FAT4: variants seen among roughly 807,000 people sequenced by gnomAD.
The protein encoded by FAT4 is protocadherin Fat 4.
Under a neutral mutation model 303.9 loss-of-function variants are expected in FAT4, and 84 were observed. That is an observed-to-expected ratio of 0.28 (90% confidence interval 0.23 to 0.33). The LOEUF is 0.33. FAT4 is among the 10% of genes least tolerant of loss of function. FAT4 has a pLI of 1.00. For synonymous variants in FAT4, 2,307 were observed against 2,298.8 expected (o/e 1.00, Z -0.10); for missense variants, 6,005 against 6,146.8 (o/e 0.98, Z 0.77).
chr4:125,408,852 A>G, intron 5 of FAT4, 58 bp downstream of exon 5: 1 of 921,412 alleles, frequency 1.1e-6, no homozygotes, highest in Non-Finnish European at 1.6e-6. Context: ...TCAGATTTAT[A>G]TTACATTTAT....
chr4:125,346,975 T>A (rs1274738782), intron 2 of FAT4, among the ~76,000 whole-genome samples: 1 of 151,972 alleles, frequency 6.6e-6, no homozygotes, highest in African/African-American at 2.4e-5. Context: ...AGGGCTATAC[T>A]GTGGTAAGAG....
At chr4:125,430,846 C>T (rs966261944) in intron 7 of FAT4, among the ~76,000 whole-genome samples, 1 of 152,174 alleles carries the variant, frequency 6.6e-6, no homozygotes, top group African/African-American at 2.4e-5. Context: ...ATTTACTAAT[C>T]TCAAGGATCA....
chr4:125,316,536 G>C lies in FAT4; in HGVS notation c.125G>C (p.Gly42Ala), dbSNP rs1187974979. ...CTTCCGGGGCAGGCCTGGGTCCACG[G>C]GGCCGAGCCGCGCCAGGTGTTCCAA... Reference protein sequence around the residue: ...SLLPGQAWVHGAEPRQVFQVL... With the variant: ...SLLPGQAWVHAAEPRQVFQVL... The change falls in exon 2 of 18, where the codon GGG becomes GCG. Residue 42 changes from glycine (G) to alanine (A), a missense_variant. Coordinates refer to ENST00000394329, the MANE Select transcript of FAT4 (RefSeq NM_001291303.3). This position sits in a 1 kb window ranked among gnomAD's most constrained non-coding sequence, Gnocchi z 5.7. 1 of 1,613,948 alleles carries C rather than the reference G, an allele frequency of 6.2e-7. No homozygotes were observed. The highest frequency in any genetic ancestry group is 1.1e-5 in the South Asian group (1 of 91,084).
At position 125,403,872 on chromosome 4, in the gene FAT4, G is replaced by A. The variant is rs1192573254; in HGVS notation, c.5308-3008G>A. Among the ~76,000 whole-genome samples, 10 of 152,152 alleles carry A rather than the reference G, an allele frequency of 6.6e-5. No individual in the cohort carries two copies. The East Asian group carries it at 1.9e-3, about 29-fold the overall frequency. On this transcript the variant is annotated intron_variant, in intron 3 of 17. Coordinates refer to ENST00000394329, the MANE Select transcript of FAT4 (RefSeq NM_001291303.3). ...TGTTGAGCAAATGAGAGAGCTATTA[G>A]TATTATTTCTATTTTCAATAATCTG...
intron 12 of FAT4, among the ~76,000 whole-genome samples, chr4:125,471,403 A>C (rs1726851181): frequency 6.6e-6 from 1 of 152,226 alleles, no homozygotes; most frequent in Non-Finnish European, 1.5e-5. Flanking sequence ...TGCAAAGTGC[A>C]ATAAAGTGAA....
intron 13 of FAT4, among the ~76,000 whole-genome samples, chr4:125,476,643 A>G (rs1299461567): frequency 4.7e-5 from 6 of 128,858 alleles, no homozygotes; most frequent in Admixed American, 4.4e-4. Flanking sequence ...CTTAAAGCTG[A>G]GCACAGCAGT....
intron 2 of FAT4, among the ~76,000 whole-genome samples, chr4:125,379,657 A>G (rs769282064): frequency 6.6e-6 from 1 of 151,804 alleles, no homozygotes; most frequent in Non-Finnish European, 1.5e-5. Context: ...ACATGGTTTC[A>G]CCATGTTGGC....
chr4:125,334,636 G>A (rs1731504483), intron 2 of FAT4, among the ~76,000 whole-genome samples: 1 of 152,070 alleles, frequency 6.6e-6, no homozygotes, highest in African/African-American at 2.4e-5. Context: ...AACAAGACAT[G>A]TATTTCATAT....
At chr4:125,354,216 A>C (rs1447742806) in intron 2 of FAT4, among the ~76,000 whole-genome samples, 2 of 151,780 alleles carry the variant, frequency 1.3e-5, no homozygotes, top group African/African-American at 4.8e-5. Context: ...CAAATAACTT[A>C]TCGTTTTCCC....
chr4:125,470,671 C>A (rs1726827345), intron 12 of FAT4, among the ~76,000 whole-genome samples: 1 of 152,158 alleles, frequency 6.6e-6, no homozygotes, highest in Non-Finnish European at 1.5e-5. Context: ...AGCCTTCATG[C>A]AATGGAAGAG....
rs772251541 is a variant in FAT4 at position 125,408,424 on chromosome 4, T to G, written c.5570-20T>G. 1.4e-6 allele frequency: 2 copies of G among 1,478,154 alleles called. No homozygotes were observed. The highest frequency in any genetic ancestry group is 1.8e-6 in the Non-Finnish European group (2 of 1,086,444). The allele number at this position is 1,478,154 out of a possible 1,614,324, so 91.6% of individuals were successfully genotyped here. A position where few individuals can be genotyped will look rare whatever the true frequency, so the allele number is the denominator to read the frequency against. ...TTCTTACTTCCTTGATTTTATACTATTAATTTATTCTTTTGATAGGTTCTT... is the reference window on the plus strand; with the variant it reads ...TTCTTACTTCCTTGATTTTATACTAGTAATTTATTCTTTTGATAGGTTCTT... On this transcript the variant is annotated intron_variant, in intron 4 of 17. Coordinates refer to ENST00000394329, the MANE Select transcript of FAT4 (RefSeq NM_001291303.3).
At chr4:125,481,839 A>G in intron 16 of FAT4, 101 bp downstream of exon 16, 1 of 1,008,640 alleles carries the variant, frequency 9.9e-7, no homozygotes, top group Non-Finnish European at 1.5e-6. Flanking sequence ...TTTACAACCC[A>G]TTAGAGTTCC....
chr4:125,439,335 CTT>C (rs748291081), intron 8 of FAT4, among the ~76,000 whole-genome samples: 23 of 139,894 alleles, frequency 1.6e-4, no homozygotes, highest in Admixed American at 2.2e-4. Flanking sequence ...GATTTCTTTT[CTT>C]TTTTTTTTTT....
At chr4:125,432,908 C>T (rs1725329602) in intron 7 of FAT4, among the ~76,000 whole-genome samples, 1 of 152,018 alleles carries the variant, frequency 6.6e-6, no homozygotes, top group Non-Finnish European at 1.5e-5. Flanking sequence ...CTTTATTGTG[C>T]TCTGCTCAAC....
At chr4:125,411,287 T>C (rs552782049) in intron 5 of FAT4, among the ~76,000 whole-genome samples, 1 of 152,102 alleles carries the variant, frequency 6.6e-6, no homozygotes, top group African/African-American at 2.4e-5. Context: ...ACAAGAAGGG[T>C]AATACCTCTG....
chr4:125,415,888 G>T lies in FAT4; in HGVS notation c.6843+82G>T. On this transcript the variant is annotated intron_variant, in intron 6 of 17. Transcript: ENST00000394329. The stretch of plus-strand genomic sequence containing the variant: ...ACCTCCCCTCTTCTACAGCGTTTAC[G>T]CTTCCCCTGTTCTCTCCTCATTCTC... 3 of 1,055,708 alleles carry T rather than the reference G, an allele frequency of 2.8e-6. No individual in the cohort carries two copies. The Admixed American group carries it at 8.0e-5, about 28-fold the overall frequency. The allele number at this position is 1,055,708 out of a possible 1,614,324, so 65.4% of individuals were successfully genotyped here.
At chr4:125,479,632 A>G in intron 14 of FAT4, 109 bp from the exon 15 acceptor site, 1 of 1,095,398 alleles carries the variant, frequency 9.1e-7, no homozygotes. Context: ...TGAGCTTCAA[A>G]TAATGGAGTG....
chr4:125,367,635 G>A (rs10212833), intron 2 of FAT4, among the ~76,000 whole-genome samples: 27,535 of 152,010 alleles, frequency 0.18, 3,149 homozygotes, highest in African/African-American at 0.33. Flanking sequence ...TTTTTCAACC[G>A]TATATCATAG....
In FAT4 at chr4:125,316,851, A is replaced by C. The variant is rs1403940547; in HGVS notation, c.440A>C (p.Asp147Ala). ...TCTATCGTGGTCACTTTCAAGGAAG[A>C]CAGTAGCAGCGGACGCCAAGTCATC... ...DPSIVVTFKE[D>A]SSSGRQVILD... Residue 147 changes from aspartate (D) to alanine (A), a missense_variant, in exon 2 of 18, where the codon GAC becomes GCC. Physicochemically the swap from Asp to Ala is moderately radical, Grantham distance 126. Transcript: ENST00000394329. The surrounding 1 kb of genome is among the most constrained non-coding windows in gnomAD (Gnocchi z 5.7). 1 of 1,613,950 alleles carries C rather than the reference A, an allele frequency of 6.2e-7. No homozygotes were observed. The highest frequency in any genetic ancestry group is 8.5e-7 in the Non-Finnish European group (1 of 1,180,028).
Sources: gnomAD v4.1 joint callset for allele counts (sites outside exome capture counted in the v4.1 genomes callset) on GRCh38, gnomAD v4.1.1 for gene constraint, Gnocchi (gnomAD v3.1) non-coding constraint, MANE v1.5 for transcripts, NCBI Gene and HGNC (gene_info 2026-07-23, HGNC 2026-07-21) for gene names.